PRTG: variants seen among roughly 807,000 people sequenced by gnomAD.
The protein encoded by PRTG is protogenin, also known as immunoglobulin superfamily, DCC subclass, member 5.
PRTG carries 67 observed loss-of-function variants against 122.5 expected under a neutral mutation model. That is an observed-to-expected ratio of 0.55 (90% CI 0.45 to 0.67). The LOEUF is 0.67. Ranked by LOEUF, PRTG falls within the 30% of genes least tolerant of loss-of-function variation. The pLI is 0.00. For synonymous variants in PRTG, 554 were observed against 501.1 expected (o/e 1.11, Z -1.41); for missense variants, 1,435 against 1,415.4 (o/e 1.01, Z -0.22).
At chr15:55,624,205 G>A (rs983158458) in intron 18 of PRTG, 137 bp downstream of exon 18, 14 of 680,696 alleles carry the variant, frequency 2.1e-5, no homozygotes, top group Admixed American at 1.3e-4. Context: ...GAATGATCTC[G>A]GTAAAATTTC....
intron 11 of PRTG, among the ~76,000 whole-genome samples, chr15:55,651,974 C>T (rs1259417360): frequency 6.6e-6 from 1 of 152,120 alleles, no homozygotes; most frequent in Non-Finnish European, 1.5e-5. Context: ...GAAGATAAAG[C>T]AATTACATCT....
At chr15:55,642,259 A>C (rs2059296087) in intron 11 of PRTG, among the ~76,000 whole-genome samples, 1 of 152,148 alleles carries the variant, frequency 6.6e-6, no homozygotes, top group African/African-American at 2.4e-5. Flanking sequence ...TTTAATAATA[A>C]AAATACATTT....
At chr15:55,739,263 A>T (rs72750539) in intron 2 of PRTG, among the ~76,000 whole-genome samples, 6 of 143,522 alleles carry the variant, frequency 4.2e-5, no homozygotes, top group East Asian at 2.1e-4. Context: ...GTGGTTTTGT[A>T]TTTTTTTTTT....
chr15:55,620,013 C>G lies in PRTG; in HGVS notation c.3452G>C (p.Ter1151SerextTer6). ...SVISTTPPNL[*>S] ...CCTGAATCACTGCCAGTGAAAGAATCAGAGGTTGGGGGGTGTGGTACTTAT... is the reference window on the plus strand; with the variant it reads ...CCTGAATCACTGCCAGTGAAAGAATGAGAGGTTGGGGGGTGTGGTACTTAT... Residue 1151 changes from the stop codon to serine, a stop_lost, in exon 20 of 20, where the codon TGA (stop) becomes TCA (serine). Transcript: ENST00000389286. 1 of 1,613,948 alleles carries G rather than the reference C, an allele frequency of 6.2e-7. No homozygotes were observed. The highest frequency in any genetic ancestry group is 8.5e-7 in the Non-Finnish European group (1 of 1,179,910).
chr15:55,658,128 T>C (rs1475599571), intron 11 of PRTG, among the ~76,000 whole-genome samples: 2 of 152,182 alleles, frequency 1.3e-5, no homozygotes, highest in South Asian at 2.1e-4. Context: ...TTTATTCAGA[T>C]GACATCAGGA....
rs181816533 is a variant in PRTG, at chr15:55,730,667, G to A, written c.397+9715C>T. ...TACAAAAAATCAGCCAGGCGTGGTG[G>A]TGGGTGCCTGTAGTCCCAGCTACTT... is the stretch of plus-strand genomic sequence containing the variant. On this transcript the variant is annotated intron_variant, in intron 2 of 19. Coordinates refer to ENST00000389286, the MANE Select transcript of PRTG (RefSeq NM_173814.6). Among the ~76,000 whole-genome samples, 5 of 152,138 alleles carry A rather than the reference G, an allele frequency of 3.3e-5. No individual in the cohort carries two copies. The East Asian group carries it at 9.8e-4, about 30-fold the overall frequency.
chr15:55,725,131 T>C (rs1198174996), intron 2 of PRTG, among the ~76,000 whole-genome samples: 6 of 152,080 alleles, frequency 3.9e-5, no homozygotes, highest in Non-Finnish European at 8.8e-5. Flanking sequence ...ATACAAAACA[T>C]ATGAAGATGT....
chr15:55,641,897 G>T (rs963764363), intron 11 of PRTG, among the ~76,000 whole-genome samples: 5 of 152,004 alleles, frequency 3.3e-5, no homozygotes, highest in Non-Finnish European at 7.4e-5. Flanking sequence ...AAAATAGGCC[G>T]GGCGCGGTGG....
At chr15:55,696,500 AT>A (rs2059632882) in intron 2 of PRTG, among the ~76,000 whole-genome samples, 1 of 152,242 alleles carries the variant, frequency 6.6e-6, no homozygotes, top group Admixed American at 6.5e-5. Flanking sequence ...GCAACTGAAC[AT>A]TAAGTAAAAC....
chr15:55,743,111 C>G lies in PRTG; in HGVS notation c.-180G>C. On this transcript the variant is annotated 5_prime_UTR_variant, in exon 1 of 20. Coordinates refer to ENST00000389286, the MANE Select transcript of PRTG (RefSeq NM_173814.6). The stretch of plus-strand genomic sequence containing the variant: ...CGAGGCTGGTGCTCGGACGGCCGCT[C>G]GCGAGAAGCAAGGGGCCTGAGAGTC... The G allele has an allele frequency of 7.8e-7, 1 of 1,276,396 alleles. No individual in the cohort carries two copies. Among genetic ancestry groups the G allele is most frequent in the Non-Finnish European group, 9.8e-7 (1 of 1,015,988 alleles). 79.1% of individuals were successfully genotyped at this position (1,276,396 alleles called of 1,614,324 possible).
intron 6 of PRTG, 98 bp from the exon 7 acceptor site, chr15:55,679,543 T>G: frequency 1.2e-6 from 1 of 832,188 alleles, no homozygotes; most frequent in Non-Finnish European, 1.8e-6. Context: ...GCCCCATTCC[T>G]GAAGATGCCT....
chr15:55,621,893 T>G (rs996626352), intron 18 of PRTG, among the ~76,000 whole-genome samples: 1 of 152,222 alleles, frequency 6.6e-6, no homozygotes, highest in Non-Finnish European at 1.5e-5. Flanking sequence ...AATTTGTATA[T>G]TCAGTACATT....
chr15:55,657,060 C>T (rs2059384232), intron 11 of PRTG, among the ~76,000 whole-genome samples: 1 of 152,124 alleles, frequency 6.6e-6, no homozygotes, highest in African/African-American at 2.4e-5. Context: ...AAAATGTACA[C>T]AGCACTGGAA....
Position 55,620,682 on chromosome 15 carries a change from T to C in PRTG, c.3179A>G (p.Lys1060Arg). The change falls in exon 19 of 20, where the codon AAG (lysine) becomes AGG (arginine). Residue 1060 changes from lysine (K) to arginine (R), a missense_variant. Coordinates refer to ENST00000389286, the MANE Select transcript of PRTG (RefSeq NM_173814.6). Reference sequence around the variant, plus strand: ...GGTTACCTGCTCAACTTGTATCTTCTTTGAGTCTTGGAAAAAAAACCACTT... The same window carrying C: ...GGTTACCTGCTCAACTTGTATCTTCCTTGAGTCTTGGAAAAAAAACCACTT... ...KKKWFFFQDS[K>R]KIQVEQPQRR... The C allele has an allele frequency of 1.3e-6, 2 of 1,597,474 alleles. No individual in the cohort carries two copies. The highest frequency in any genetic ancestry group is 1.7e-6 in the Non-Finnish European group (2 of 1,176,230).
chr15:55,686,584 T>TCAATTCAGGC (rs1567099794), intron 2 of PRTG, among the ~76,000 whole-genome samples: 4 of 152,168 alleles, frequency 2.6e-5, no homozygotes, highest in African/African-American at 9.7e-5. Flanking sequence ...CCTTATCATA[T>TCAATTCAGGC]CCTGTCTAGA....
intron 2 of PRTG, among the ~76,000 whole-genome samples, chr15:55,707,782 T>C (rs1459201305): frequency 6.6e-6 from 1 of 152,200 alleles, no homozygotes; most frequent in Non-Finnish European, 1.5e-5. Context: ...CAAACAATCT[T>C]ACTTTTCCTT....
chr15:55,739,314 G>A (rs1201295752), intron 2 of PRTG, among the ~76,000 whole-genome samples: 1 of 149,420 alleles, frequency 6.7e-6, no homozygotes, highest in African/African-American at 2.5e-5. Context: ...TTCCCAGGCT[G>A]GACTCAAACT....
intron 2 of PRTG, among the ~76,000 whole-genome samples, chr15:55,732,783 C>T (rs2031280642): frequency 6.6e-6 from 1 of 152,184 alleles, no homozygotes; most frequent in Non-Finnish European, 1.5e-5. Flanking sequence ...CGTGAGCCAC[C>T]ATGCCCAGCC....
chr15:55,703,206 C>T (rs1047281105), intron 2 of PRTG, among the ~76,000 whole-genome samples: 5 of 152,130 alleles, frequency 3.3e-5, no homozygotes, highest in Non-Finnish European at 7.4e-5. Context: ...CTATTGAGTG[C>T]TAAAATAAAA....
Sources: gnomAD v4.1 joint callset for allele counts (sites outside exome capture counted in the v4.1 genomes callset) on GRCh38, gnomAD v4.1.1 for gene constraint, MANE v1.5 for transcripts, NCBI Gene and HGNC (gene_info 2026-07-23, HGNC 2026-07-21) for gene names.